The following DHRS7B variants were observed in gnomAD, a reference collection of about 807,000 sequenced individuals.
The protein encoded by DHRS7B is dehydrogenase/reductase 7B.
A neutral mutation model predicts 26.4 loss-of-function variants in DHRS7B; 24 were observed. The ratio of observed to expected loss-of-function variants is 0.91; its 90% CI spans 0.66 to 1.28. The LOEUF (loss-of-function observed/expected upper bound fraction) is 1.28, where lower values mean the gene tolerates loss of function less well. DHRS7B is among the 50% of genes most tolerant of loss of function. DHRS7B has a pLI of 0.00. For missense variants in DHRS7B, 368 were observed against 419.4 expected (o/e 0.88, Z 1.07); for synonymous variants, 142 against 166.4 (o/e 0.85, Z 1.13).
chr17:21,191,105 C>T lies in DHRS7B; in HGVS notation c.930C>T (p.Ser310=), dbSNP rs1181351377. ...LRTLAPGLFF[S]LMASRARKER... is the part of the protein sequence containing the mutation. ...CTCTGGCTCCTGGGCTCTTCTTCAG[C>T]CTCATGGCCTCCAGGGCCAGAAAAG... Residue 310 remains serine (S), a synonymous_variant, in exon 7 of 7, where the codon AGC becomes AGT. Coordinates refer to ENST00000395511, the MANE Select transcript of DHRS7B (RefSeq NM_015510.5). 2 of 1,613,962 alleles carry T rather than the reference C, an allele frequency of 1.2e-6. No individual in the cohort carries two copies. Among genetic ancestry groups the T allele is most frequent in the Non-Finnish European group, 1.7e-6 (2 of 1,180,050 alleles).
chr17:21,190,651 G>A (rs1974755739), intron 6 of DHRS7B, among the ~76,000 whole-genome samples: 1 of 152,214 alleles, frequency 6.6e-6, no homozygotes, highest in South Asian at 2.1e-4. Context: ...TGGAGCACCA[G>A]GCAGACAGAC....
chr17:21,160,473 G>A (rs1973977503), intron 1 of DHRS7B, among the ~76,000 whole-genome samples: 1 of 152,186 alleles, frequency 6.6e-6, no homozygotes, highest in South Asian at 2.1e-4. Flanking sequence ...CATATGAAAA[G>A]ATGCTCTGCA....
At position 21,151,084 on chromosome 17, in the gene DHRS7B, A is replaced by T. The variant is rs1973759372; in HGVS notation, c.21-20934A>T. 2.6e-5 allele frequency among the ~76,000 whole-genome samples: 4 copies of T among 152,374 alleles called. No individual in the cohort carries two copies. In the South Asian group the frequency reaches 8.3e-4, roughly 32 times the overall value. On this transcript the variant is annotated intron_variant, in intron 1 of 6. Coordinates refer to ENST00000395511, the MANE Select transcript of DHRS7B (RefSeq NM_015510.5). ...TGAAAGCCAAAGGCATAAGCTCAAAAGCAGCAAAAGAAAAATTACGCATCA... is the reference window on the plus strand; with the variant it reads ...TGAAAGCCAAAGGCATAAGCTCAAATGCAGCAAAAGAAAAATTACGCATCA...
intron 1 of DHRS7B, among the ~76,000 whole-genome samples, chr17:21,165,809 G>A (rs376427832): frequency 9.2e-5 from 14 of 151,908 alleles, no homozygotes; most frequent in South Asian, 2.1e-4. Flanking sequence ...GCAGCTACGC[G>A]GGAGGCTGAG....
intron 1 of DHRS7B, among the ~76,000 whole-genome samples, chr17:21,159,124 A>G (rs781575607): frequency 5.3e-5 from 8 of 152,246 alleles, no homozygotes; most frequent in African/African-American, 9.6e-5. Flanking sequence ...GGCATGATCC[A>G]TGAAAGAAAT....
chr17:21,164,439 C>T (rs1974067282), intron 1 of DHRS7B, among the ~76,000 whole-genome samples: 1 of 152,202 alleles, frequency 6.6e-6, no homozygotes, highest in African/African-American at 2.4e-5. Flanking sequence ...TCCTAGATTT[C>T]TGACCTCATA....
intron 1 of DHRS7B, among the ~76,000 whole-genome samples, chr17:21,141,227 C>A (rs774900722): frequency 1.2e-4 from 18 of 152,108 alleles, no homozygotes; most frequent in Non-Finnish European, 2.1e-4. Flanking sequence ...CCCAGGGGTG[C>A]CTTCTGGCTG....
chr17:21,141,537 CT>C (rs1352149734), intron 1 of DHRS7B, among the ~76,000 whole-genome samples: 1 of 140,756 alleles, frequency 7.1e-6, no homozygotes, highest in African/African-American at 2.6e-5. Context: ...TTAATATTAA[CT>C]TTAACCAAGA....
At chr17:21,133,497 A>G (rs1409435632) in intron 1 of DHRS7B, among the ~76,000 whole-genome samples, 1 of 152,226 alleles carries the variant, frequency 6.6e-6, no homozygotes, top group African/African-American at 2.4e-5. Context: ...GAGACTTCCA[A>G]AGGAGGCAAT....
chr17:21,141,640 A>AAAAAAAC, intron 1 of DHRS7B, among the ~76,000 whole-genome samples: 2 of 90,078 alleles, frequency 2.2e-5, no homozygotes, highest in East Asian at 3.4e-4. Flanking sequence ...AAAAAAAAAA[A>AAAAAAAC]CAACCTCATC....
intron 1 of DHRS7B, among the ~76,000 whole-genome samples, chr17:21,141,340 A>T (rs1973504701): frequency 6.6e-6 from 1 of 152,144 alleles, no homozygotes; most frequent in Middle Eastern, 3.2e-3. Context: ...ACACAGAAAA[A>T]CTGAATTAAC....
intron 1 of DHRS7B, among the ~76,000 whole-genome samples, chr17:21,134,174 A>G (rs1973294608): frequency 6.6e-6 from 1 of 152,226 alleles, no homozygotes; most frequent in African/African-American, 2.4e-5. Flanking sequence ...ATAGTTTTGA[A>G]ACATAATTTT....
At chr17:21,132,536 A>C (rs1314159116) in intron 1 of DHRS7B, among the ~76,000 whole-genome samples, 2 of 147,806 alleles carry the variant, frequency 1.4e-5, no homozygotes, top group African/African-American at 5.1e-5. Context: ...GTCTCAAAAA[A>C]AAAAAAAAAA....
At chr17:21,165,929 A>AAC (rs1188459442) in intron 1 of DHRS7B, among the ~76,000 whole-genome samples, 1 of 151,856 alleles carries the variant, frequency 6.6e-6, no homozygotes, top group Admixed American at 6.6e-5. Context: ...AAAAAAAAAA[A>AAC]AAAAACCACA....
intron 1 of DHRS7B, among the ~76,000 whole-genome samples, chr17:21,162,794 T>C (rs1415674519): frequency 6.6e-6 from 1 of 152,222 alleles, no homozygotes; most frequent in Non-Finnish European, 1.5e-5. Flanking sequence ...CCAATTTTTC[T>C]TCTGCTTTCT....
intron 1 of DHRS7B, among the ~76,000 whole-genome samples, chr17:21,150,836 C>T (rs909829883): frequency 6.6e-6 from 1 of 152,120 alleles, no homozygotes; most frequent in South Asian, 2.1e-4. Context: ...TCCCCTATCT[C>T]GAGATTCTTA....
At chr17:21,159,862 CAAAAAAAAAA>C (rs59176427) in intron 1 of DHRS7B, among the ~76,000 whole-genome samples, 23 of 62,196 alleles carry the variant, frequency 3.7e-4, no homozygotes, top group Non-Finnish European at 3.0e-4. Context: ...GACCCTGTCT[CAAAAAAAAAA>C]AAAAAAAAAA....
At chr17:21,171,838 A>C (rs1597750973) in intron 1 of DHRS7B, 180 bp from the exon 2 acceptor site, 2 of 766,682 alleles carry the variant, frequency 2.6e-6, no homozygotes, top group East Asian at 5.4e-5. Flanking sequence ...AGAGGAAGAA[A>C]GTTCTACAAT....
intron 1 of DHRS7B, among the ~76,000 whole-genome samples, chr17:21,152,627 A>AG (rs981945956): frequency 3.3e-5 from 5 of 151,932 alleles, no homozygotes; most frequent in African/African-American, 2.4e-5. Flanking sequence ...CAGCAGAGGG[A>AG]GGGGAAAAAA....
Sources: allele counts gnomAD v4.1 joint callset (sites outside exome capture counted in the v4.1 genomes callset), GRCh38; gene constraint gnomAD v4.1.1; transcripts MANE v1.5; gene names NCBI Gene and HGNC (gene_info 2026-07-23, HGNC 2026-07-21).